Variants in CEP63 observed in about 807,000 individuals in gnomAD.
The protein encoded by CEP63 is centrosomal protein 63, also known as centrosomal protein of 63 kDa.
In CEP63, 84 loss-of-function variants were observed where a neutral mutation model predicts 89.1. That is an observed-to-expected ratio of 0.94 (90% confidence interval 0.79 to 1.13). The LOEUF (loss-of-function observed/expected upper bound fraction) is 1.13. Ranked by LOEUF, CEP63 falls within the 50% of genes most tolerant of loss-of-function variation. The pLI, the probability that CEP63 is intolerant of heterozygous loss-of-function variation, is 0.00. For missense variants in CEP63, 838 were observed against 813.3 expected (o/e 1.03, Z -0.37); for synonymous variants, 267 against 272.5 (o/e 0.98, Z 0.20).
At chr3:134,662,990 A>G in the CEP63 span, among the ~76,000 whole-genome samples, 6 of 152,252 alleles carry the variant, frequency 3.9e-5, no homozygotes, top group East Asian at 1.2e-3. Context: ...GGGCATTCAC[A>G]CAGCCAGTTT....
the CEP63 span, among the ~76,000 whole-genome samples, chr3:134,749,676 C>G: frequency 4.7e-5 from 4 of 85,504 alleles, no homozygotes; most frequent in African/African-American, 1.6e-4. Flanking sequence ...CCTTTCCTGT[C>G]CATAGTCAGA....
chr3:134,579,963 G>C (rs1199267988), downstream of CEP63, among the ~76,000 whole-genome samples: 1 of 152,134 alleles, frequency 6.6e-6, no homozygotes, highest in Non-Finnish European at 1.5e-5. Flanking sequence ...ACTTTGGGAG[G>C]CCAAGGTGGA....
the CEP63 span, among the ~76,000 whole-genome samples, chr3:134,689,441 A>ATTT: frequency 0.38 from 50,266 of 131,074 alleles, 9,781 homozygotes; most frequent in East Asian, 0.68. Flanking sequence ...AAAGGACCTT[A>ATTT]TTTATTATTA....
intron 2 of CEP63, among the ~76,000 whole-genome samples, chr3:134,504,726 A>G (rs947202478): frequency 2.6e-5 from 4 of 152,124 alleles, no homozygotes; most frequent in African/African-American, 7.2e-5. Flanking sequence ...CTCTTGCTGG[A>G]ATAGCAAGAA....
intron 13 of CEP63, 41 bp from the exon 14 acceptor site, chr3:134,559,109 T>C (rs1267354558): frequency 3.1e-6 from 5 of 1,607,688 alleles, no homozygotes; most frequent in Non-Finnish European, 4.2e-6. Context: ...GAAAAGTTGC[T>C]ACAATTTTTT....
the CEP63 span, among the ~76,000 whole-genome samples, chr3:134,766,181 C>T: frequency 2.6e-5 from 4 of 152,082 alleles, no homozygotes; most frequent in Admixed American, 2.0e-4. Flanking sequence ...CAGGGCCTTG[C>T]CATTTACTTT....
At chr3:134,694,872 G>A in the CEP63 span, among the ~76,000 whole-genome samples, 1 of 152,206 alleles carries the variant, frequency 6.6e-6, no homozygotes, top group Admixed American at 6.5e-5. Context: ...AGAGAACCAA[G>A]CGTTTGCTGT....
At chr3:134,744,900 C>T in the CEP63 span, among the ~76,000 whole-genome samples, 6 of 152,242 alleles carry the variant, frequency 3.9e-5, no homozygotes, top group South Asian at 6.2e-4. Context: ...ATATCAACAC[C>T]CTCATCTTTT....
chr3:134,641,728 C>G, the CEP63 span, among the ~76,000 whole-genome samples: 1 of 152,246 alleles, frequency 6.6e-6, no homozygotes, highest in African/African-American at 2.4e-5. Flanking sequence ...AGCCCCAGAC[C>G]CCATACCCGC....
Position 134,561,553 on chromosome 3 carries a change from T to A in CEP63, c.*18T>A, listed in dbSNP as rs6777283. 1,607,209 of 1,607,624 alleles carry A rather than the reference T, an allele frequency of 1. 803,398 individuals carry two copies. Among genetic ancestry groups the A allele is most frequent in the Middle Eastern group, 1 (6,052 of 6,052 alleles). On this transcript the variant is annotated 3_prime_UTR_variant, in exon 15 of 15. Transcript: ENST00000675561. ...TAAAGTAGCCTCTTAAAAAAATCAC[T>A]ATCTTGGAAATAAAAATAAACACCA...
chr3:134,716,554 T>C, the CEP63 span, among the ~76,000 whole-genome samples: 1 of 152,152 alleles, frequency 6.6e-6, no homozygotes, highest in Non-Finnish European at 1.5e-5. Flanking sequence ...GTCTGTCTAG[T>C]CTGCCATACA....
chr3:134,624,985 G>A, the CEP63 span: 2 of 1,355,318 alleles, frequency 1.5e-6, no homozygotes, highest in African/African-American at 2.9e-5. Flanking sequence ...TCTGGGGAGA[G>A]GTTTTGCTGC....
chr3:134,618,010 G>T, the CEP63 span, among the ~76,000 whole-genome samples: 1 of 152,152 alleles, frequency 6.6e-6, no homozygotes, highest in African/African-American at 2.4e-5. Context: ...TCTGGGGTAG[G>T]GGGTGGGAAG....
At chr3:134,656,929 C>T in the CEP63 span, among the ~76,000 whole-genome samples, 7 of 152,230 alleles carry the variant, frequency 4.6e-5, no homozygotes, top group African/African-American at 1.7e-4. Flanking sequence ...CCCGTCATCC[C>T]ACCATCTAGA....
intron 8 of CEP63, 97 bp downstream of exon 8, chr3:134,546,385 A>G: frequency 1.7e-6 from 2 of 1,174,558 alleles, no homozygotes; most frequent in East Asian, 2.7e-5. Flanking sequence ...TTATTTTCAG[A>G]TAGTCTCCTG....
the CEP63 span, among the ~76,000 whole-genome samples, chr3:134,740,458 C>G: frequency 6.6e-6 from 1 of 151,910 alleles, no homozygotes; most frequent in Non-Finnish European, 1.5e-5. Flanking sequence ...TTACTATGCC[C>G]GGCTAATTTT....
At chr3:134,519,444 T>G (rs1293598641) in intron 3 of CEP63, among the ~76,000 whole-genome samples, 2 of 152,184 alleles carry the variant, frequency 1.3e-5, no homozygotes, top group African/African-American at 4.8e-5. Flanking sequence ...GAATTGAATT[T>G]GTTATTGAAA....
At chr3:134,574,158 C>T (rs1321281040) in intron 11 of CEP63, among the ~76,000 whole-genome samples, 1 of 152,160 alleles carries the variant, frequency 6.6e-6, no homozygotes, top group Non-Finnish European at 1.5e-5. Flanking sequence ...GGGCCTATAG[C>T]ACTATTGGAG....
the CEP63 span, among the ~76,000 whole-genome samples, chr3:134,741,987 AGTGT>A: frequency 1.1e-3 from 160 of 147,566 alleles, no homozygotes; most frequent in Middle Eastern, 3.4e-3. Context: ...CTGAGAGACC[AGTGT>A]GTGTGTGTGT....
Sources: gnomAD v4.1 joint callset for allele counts (sites outside exome capture counted in the v4.1 genomes callset) on GRCh38, gnomAD v4.1.1 for gene constraint, MANE v1.5 for transcripts, NCBI Gene and HGNC (gene_info 2026-07-23, HGNC 2026-07-21) for gene names.